Variants in TRPV3 observed in about 807,000 individuals in gnomAD.
The protein encoded by TRPV3 is transient receptor potential cation channel subfamily V member 3.
A neutral mutation model predicts 87.1 loss-of-function variants in TRPV3; 88 were observed. The ratio of observed to expected loss-of-function variants is 1.01; its 90% CI spans 0.85 to 1.21. The LOEUF (loss-of-function observed/expected upper bound fraction) is 1.21, where lower values mean the gene tolerates loss of function less well. Ranked by LOEUF, TRPV3 falls within the 50% of genes most tolerant of loss-of-function variation. The probability of loss-of-function intolerance (pLI) is 0.00; values close to 1 mark genes in which losing one functional copy is unlikely to be tolerated. For missense variants in TRPV3, 1,054 were observed against 1,030.1 expected, an observed-to-expected ratio of 1.02 and a Z score of -0.32; for synonymous variants, 438 against 423.3, an observed-to-expected ratio of 1.03 and a Z score of -0.43.
intron 13 of TRPV3, among the ~76,000 whole-genome samples, chr17:3,523,989 G>C (rs1334086043): frequency 2.0e-5 from 3 of 151,890 alleles, no homozygotes; most frequent in African/African-American, 7.3e-5. Context: ...TCCACAAACT[G>C]TACCCCTCCC....
intron 6 of TRPV3, among the ~76,000 whole-genome samples, chr17:3,541,620 A>C (rs1348626102): frequency 6.6e-6 from 1 of 152,202 alleles, no homozygotes; most frequent in Non-Finnish European, 1.5e-5. Context: ...AAATCCACAA[A>C]ACTGAGACCC....
At chr17:3,539,983 G>A (rs1050666108) in intron 6 of TRPV3, among the ~76,000 whole-genome samples, 4 of 151,104 alleles carry the variant, frequency 2.6e-5, no homozygotes, top group Non-Finnish European at 5.9e-5. Context: ...GCTGAGGCAG[G>A]AGAATCACCT....
intron 8 of TRPV3, among the ~76,000 whole-genome samples, chr17:3,531,210 C>T (rs406766): frequency 0.35 from 53,178 of 152,130 alleles, 11,548 homozygotes; most frequent in Non-Finnish European, 0.48. Context: ...GAGCTGCTGT[C>T]TCTGGCTTCC....
intron 15 of TRPV3, 102 bp from the exon 16 acceptor site, chr17:3,516,671 T>G (rs1597464934): frequency 2.5e-6 from 2 of 815,732 alleles, no homozygotes; most frequent in East Asian, 5.1e-5. Flanking sequence ...ACCTCATGCT[T>G]AATGCATAGA....
chr17:3,520,807 A>G (rs2074238394), intron 14 of TRPV3, among the ~76,000 whole-genome samples, 166 bp downstream of exon 14: 1 of 152,142 alleles, frequency 6.6e-6, no homozygotes, highest in African/African-American at 2.4e-5. Flanking sequence ...ATAATAAAAT[A>G]TATATGTATA....
At chr17:3,522,739 C>A (rs2074259029) in intron 13 of TRPV3, among the ~76,000 whole-genome samples, 1 of 151,522 alleles carries the variant, frequency 6.6e-6, no homozygotes, top group African/African-American at 2.4e-5. Context: ...ATTGCTTGAG[C>A]CCGGGAGGCA....
In TRPV3 at chr17:3,543,457, C is replaced by T; in HGVS notation, c.466+17G>A. ...GGGCCCCCAGCCCTGCACCCTCTGC[C>T]AGGCTCAGACACTCACCAGGCACAT... is the stretch of plus-strand genomic sequence containing the variant. On this transcript the variant is annotated intron_variant, in intron 5 of 17. Transcript: ENST00000576742. The T allele has an allele frequency of 1.2e-6, 2 of 1,611,784 alleles. No individual in the cohort carries two copies. The highest frequency in any genetic ancestry group is 1.7e-6 in the Non-Finnish European group (2 of 1,179,902).
intron 2 of TRPV3, chr17:3,546,732 C>T (rs1338519638): frequency 4.4e-6 from 2 of 453,308 alleles, no homozygotes; most frequent in East Asian, 7.0e-5. Context: ...AATCCCAGCC[C>T]TCTGGGAGGT....
Position 3,524,287 on chromosome 17 carries a change from C to T in TRPV3, c.1654G>A (p.Val552Met), listed in dbSNP as rs150743616. ...GCCCAGCCCAGGGCCATGGCCAGCA[C>T]GAGGCAGGCGAGGTACTCTTTGTAG... ...FAYKEYLACL[V>M]LAMALGWANM... The change falls in exon 13 of 18, where the codon GTG becomes ATG. Residue 552 changes from valine to methionine, a missense_variant. Val to Met is a conservative substitution (Grantham distance 21). Transcript: ENST00000576742. 1.0e-3 allele frequency: 1,654 copies of T among 1,614,220 alleles called. No homozygotes were observed. Among genetic ancestry groups the T allele is most frequent in the Non-Finnish European group, 1.3e-3 (1,533 of 1,180,036 alleles).
At position 3,542,382 on chromosome 17, in the gene TRPV3, C is replaced by A. The variant is rs1226677830; in HGVS notation, c.643+140G>T. On this transcript the variant is annotated intron_variant, in intron 6 of 17. Transcript: ENST00000576742. ...GGAAGAAAGAGAGGGTTGCCTGAAG[C>A]ATCCCTGGTACCATGCTACATGCTT... is the stretch of plus-strand genomic sequence containing the variant. 6 of 922,256 alleles carry A rather than the reference C, an allele frequency of 6.5e-6. No homozygotes were observed. The African/African-American group carries it at 8.4e-5, about 13-fold the overall frequency. The allele number at this position is 922,256 out of a possible 1,614,324, so 57.1% of individuals were successfully genotyped here. A position where few individuals can be genotyped will look rare whatever the true frequency, so the allele number is the denominator to read the frequency against.
At chr17:3,537,052 A>G (rs1037981127) in intron 6 of TRPV3, among the ~76,000 whole-genome samples, 6 of 152,244 alleles carry the variant, frequency 3.9e-5, no homozygotes, top group Non-Finnish European at 7.3e-5. Flanking sequence ...TCCAAAAGGC[A>G]GAAACCATAA....
intron 7 of TRPV3, among the ~76,000 whole-genome samples, chr17:3,534,516 G>A (rs1015494647): frequency 6.6e-6 from 1 of 152,218 alleles, no homozygotes; most frequent in Non-Finnish European, 1.5e-5. Context: ...AAATTTTTGT[G>A]TGTGACGGAG....
At chr17:3,514,224 A>C (rs922372594) in intron 17 of TRPV3, 1 of 498,574 alleles carries the variant, frequency 2.0e-6, no homozygotes, top group African/African-American at 1.9e-5. Context: ...GATTATAGGC[A>C]CCTGCCACCA....
chr17:3,520,483 G>A (rs2150782324), intron 14 of TRPV3, among the ~76,000 whole-genome samples: 1 of 152,318 alleles, frequency 6.6e-6, no homozygotes, highest in African/African-American at 2.4e-5. Context: ...GAAAACACTT[G>A]CAGAACCTAT....
intron 6 of TRPV3, 139 bp from the exon 7 acceptor site, chr17:3,535,852 C>T: frequency 1.8e-6 from 2 of 1,102,410 alleles, no homozygotes; most frequent in Non-Finnish European, 2.4e-6. Flanking sequence ...ACCAGGAATC[C>T]CAGCTTTGTT....
rs1280093737 is a variant in TRPV3 at position 3,528,255 on chromosome 17, T to C, written c.1402-129A>G. 3.1e-6 allele frequency: 2 copies of C among 650,330 alleles called. No individual in the cohort carries two copies. Among genetic ancestry groups the C allele is most frequent in the African/African-American group, 1.8e-5 (1 of 54,494 alleles). The allele number at this position is 650,330 out of a possible 1,614,324, so 40.3% of individuals were successfully genotyped here. ...AGAGACCAGCATGAAACCTGATCTC[T>C]GTACAGGGCAAGAGAAGGAAGAGCA... On this transcript the variant is annotated intron_variant, in intron 10 of 17. Transcript: ENST00000576742. This position sits in a 1 kb window ranked among gnomAD's most constrained non-coding sequence, Gnocchi z 4.2.
At chr17:3,527,839 T>C (rs2074313283) in intron 11 of TRPV3, 186 bp downstream of exon 11, 6 of 591,902 alleles carry the variant, frequency 1.0e-5, no homozygotes, top group African/African-American at 1.9e-5. Context: ...GAGAAGTAGA[T>C]GGATGAAGTA....
At chr17:3,516,421 A>G in intron 16 of TRPV3, 36 bp downstream of exon 16, 8 of 1,565,276 alleles carry the variant, frequency 5.1e-6, no homozygotes, top group South Asian at 1.1e-5. Flanking sequence ...ACCCACCCCA[A>G]AGACCACCAC....
At chr17:3,515,093 G>T (rs941806019) in intron 16 of TRPV3, among the ~76,000 whole-genome samples, 1 of 152,172 alleles carries the variant, frequency 6.6e-6, no homozygotes, top group Non-Finnish European at 1.5e-5. Context: ...TGTGGTTAGG[G>T]TCAGTGCCCC....
Sources: allele counts gnomAD v4.1 joint callset (sites outside exome capture counted in the v4.1 genomes callset), GRCh38; gene constraint gnomAD v4.1.1; non-coding constraint Gnocchi (gnomAD v3.1); transcripts MANE v1.5; gene names NCBI Gene and HGNC (gene_info 2026-07-23, HGNC 2026-07-21).